The following POLR2B variants were observed in gnomAD, a reference collection of about 807,000 sequenced individuals.
POLR2B encodes the protein RNA polymerase II subunit B.
In POLR2B, 57 loss-of-function variants were observed where a neutral mutation model predicts 144.6. That is an observed-to-expected ratio of 0.39 (90% CI 0.32 to 0.49). The LOEUF (loss-of-function observed/expected upper bound fraction) is 0.49, where lower values mean the gene tolerates loss of function less well. Among genes scored for constraint, POLR2B ranks in the 20% least tolerant of loss-of-function variants. POLR2B has a pLI of 0.83. For missense variants in POLR2B, 595 were observed against 1,467.4 expected (o/e 0.41, Z 9.71); for synonymous variants, 442 against 469.8 (o/e 0.94, Z 0.77).
At chr4:57,011,800 C>T (rs187049121) in intron 13 of POLR2B, among the ~76,000 whole-genome samples, 80 of 152,112 alleles carry the variant, frequency 5.3e-4, no homozygotes, top group Middle Eastern at 3.4e-3. Flanking sequence ...TCCAGCCTGG[C>T]GACAGAGCGA....
chr4:57,004,078 G>A (rs149597489), intron 7 of POLR2B, among the ~76,000 whole-genome samples: 103 of 134,304 alleles, frequency 7.7e-4, no homozygotes, highest in African/African-American at 2.8e-3. Context: ...CCAAGATGGA[G>A]TGCAGTGTCA....
intron 10 of POLR2B, among the ~76,000 whole-genome samples, chr4:57,008,479 G>A (rs1466336244): frequency 7.9e-5 from 12 of 152,230 alleles, no homozygotes; most frequent in Admixed American, 7.9e-4. Flanking sequence ...TGGGATCACA[G>A]GTGTGAGCCA....
At chr4:57,005,828 A>C in intron 9 of POLR2B, 109 bp downstream of exon 9, 1 of 967,112 alleles carries the variant, frequency 1.0e-6, no homozygotes, top group Middle Eastern at 2.2e-4. Flanking sequence ...TTGGGTACTT[A>C]TGAAATTAGC....
chr4:57,018,981 G>T (rs2109706435), intron 16 of POLR2B, among the ~76,000 whole-genome samples: 1 of 152,264 alleles, frequency 6.6e-6, no homozygotes, highest in East Asian at 1.9e-4. Flanking sequence ...CAGACTTTTG[G>T]CTTTGAATGT....
intron 1 of POLR2B, among the ~76,000 whole-genome samples, chr4:56,982,836 A>G (rs534072239): frequency 4.3e-4 from 65 of 152,204 alleles, no homozygotes; most frequent in Admixed American, 2.4e-3. Flanking sequence ...CCAGTCTCCA[A>G]TGGACACTGA....
At chr4:57,024,198 G>T in intron 21 of POLR2B, 86 bp downstream of exon 21, 5 of 678,076 alleles carry the variant, frequency 7.4e-6, no homozygotes, top group Non-Finnish European at 1.2e-5. Flanking sequence ...ATTTGAGCCA[G>T]GGTACTTTGT....
rs540069032 is a variant in POLR2B, at chr4:56,997,319, C to T, written c.735+1910C>T. Among the ~76,000 whole-genome samples, 1,473 of 150,298 alleles carry T rather than the reference C, an allele frequency of 9.8e-3. 9 individuals are homozygous for T. The highest frequency in any genetic ancestry group is 0.016 in the Non-Finnish European group (1,094 of 67,798). Reference sequence around the variant, plus strand: ...TGTTGCCTAGGCTGGAGCGTAGTGGCGCGATCTGGGCTCACTGCAACCACC... The same window carrying T: ...TGTTGCCTAGGCTGGAGCGTAGTGGTGCGATCTGGGCTCACTGCAACCACC... On this transcript the variant is annotated intron_variant, in intron 6 of 24. Coordinates refer to ENST00000314595, the MANE Select transcript of POLR2B (RefSeq NM_000938.3).
intron 10 of POLR2B, among the ~76,000 whole-genome samples, chr4:57,007,320 C>A (rs562978762): frequency 5.4e-4 from 82 of 152,114 alleles, no homozygotes; most frequent in Non-Finnish European, 1.0e-3. Context: ...GAGGCTGAGG[C>A]AGGAGAATCG....
chr4:57,007,137 G>A, intron 10 of POLR2B, 135 bp downstream of exon 10: 1 of 634,708 alleles, frequency 1.6e-6, no homozygotes, highest in Non-Finnish European at 2.7e-6. Flanking sequence ...TGCCGGGTGT[G>A]GTGGCTCACA....
rs563237252 is a variant in POLR2B, at chr4:57,012,159, C to G, written c.1800+1059C>G. Reference sequence around the variant, plus strand: ...GTGGCTCATGCCTGTAATCCCAGCACTTTGGGAAGTTGAGGCAGGCGGATC... The same window carrying G: ...GTGGCTCATGCCTGTAATCCCAGCAGTTTGGGAAGTTGAGGCAGGCGGATC... On this transcript the variant is annotated intron_variant, in intron 13 of 24. Transcript: ENST00000314595. 9.9e-5 allele frequency among the ~76,000 whole-genome samples: 15 copies of G among 152,232 alleles called. No homozygotes were observed. The East Asian group carries it at 2.9e-3, about 29-fold the overall frequency.
chr4:56,982,133 C>T (rs1722172856), intron 1 of POLR2B, among the ~76,000 whole-genome samples: 3 of 152,156 alleles, frequency 2.0e-5, no homozygotes, highest in African/African-American at 4.8e-5. Flanking sequence ...AGTTTAAAAT[C>T]TGGGGTATCT....
At chr4:57,008,342 A>G (rs1350110445) in intron 10 of POLR2B, among the ~76,000 whole-genome samples, 1 of 151,944 alleles carries the variant, frequency 6.6e-6, no homozygotes, top group Non-Finnish European at 1.5e-5. Context: ...AGCTGGGACT[A>G]CAGGCGCCCG....
At chr4:57,014,137 A>G (rs971849736) in intron 13 of POLR2B, among the ~76,000 whole-genome samples, 2 of 152,180 alleles carry the variant, frequency 1.3e-5, no homozygotes, top group Non-Finnish European at 2.9e-5. Context: ...TAGACTAGGA[A>G]CTTGGAACAT....
intron 10 of POLR2B, 196 bp from the exon 11 acceptor site, chr4:57,010,164 GT>G: frequency 1.8e-6 from 1 of 547,864 alleles, no homozygotes; most frequent in South Asian, 2.4e-5. Context: ...TATGTGGTAT[GT>G]TTGAATATAT....
chr4:57,030,521 C>A, intron 24 of POLR2B, 122 bp downstream of exon 24: 1 of 668,460 alleles, frequency 1.5e-6, no homozygotes. Flanking sequence ...TAGCATGCTT[C>A]TGTGAGATTC....
intron 7 of POLR2B, 114 bp from the exon 8 acceptor site, chr4:57,005,132 A>G (rs1315800838): frequency 3.8e-6 from 2 of 526,334 alleles, no homozygotes; most frequent in Non-Finnish European, 6.4e-6. Context: ...AAATACTCAC[A>G]TATTTTATTA....
At chr4:56,990,976 A>C in intron 3 of POLR2B, 78 bp downstream of exon 3, 1 of 1,276,722 alleles carries the variant, frequency 7.8e-7, no homozygotes, top group Non-Finnish European at 1.1e-6. Context: ...ACCTGGCTTA[A>C]AGGTTAAAAA....
In POLR2B at chr4:56,989,061, T is replaced by G. The variant is rs367553565; in HGVS notation, c.93-1687T>G. 1.5e-4 allele frequency among the ~76,000 whole-genome samples: 23 copies of G among 152,364 alleles called. No homozygotes were observed. In the East Asian group the frequency reaches 3.1e-3, roughly 20 times the overall value. On this transcript the variant is annotated intron_variant, in intron 2 of 24. Coordinates refer to ENST00000314595, the MANE Select transcript of POLR2B (RefSeq NM_000938.3). ...TTTTACTTTTTAATATCAAGTGATC[T>G]TGTGAATGTGATATTAGTTAATATC...
chr4:57,024,391 A>C (rs1723649255), intron 21 of POLR2B, among the ~76,000 whole-genome samples: 1 of 152,196 alleles, frequency 6.6e-6, no homozygotes, highest in East Asian at 1.9e-4. Context: ...TAATTTGTTG[A>C]TGGAGAGTTC....
Sources: gnomAD v4.1 joint callset for allele counts (sites outside exome capture counted in the v4.1 genomes callset) on GRCh38, gnomAD v4.1.1 for gene constraint, MANE v1.5 for transcripts, NCBI Gene and HGNC (gene_info 2026-07-23, HGNC 2026-07-21) for gene names.